Variants in PAMR1 observed in about 807,000 individuals in gnomAD.
PAMR1 encodes peptidase domain containing associated with muscle regeneration 1, also known as inactive serine protease PAMR1.
In PAMR1, 88 loss-of-function variants were observed where a neutral mutation model predicts 81.8. The observed-to-expected ratio is 1.08, with a 90% CI of 0.91 to 1.28. The LOEUF is 1.28. Ranked by LOEUF, PAMR1 falls within the 50% of genes most tolerant of loss-of-function variation. The pLI is 0.00. For synonymous variants in PAMR1, 336 were observed against 345.3 expected, an observed-to-expected ratio of 0.97 and a Z score of 0.30; for missense variants, 935 against 919.7, an observed-to-expected ratio of 1.02 and a Z score of -0.21.
intron 1 of PAMR1, among the ~76,000 whole-genome samples, chr11:35,523,711 C>T (rs1033999234): frequency 1.3e-5 from 2 of 152,238 alleles, no homozygotes; most frequent in African/African-American, 4.8e-5. Flanking sequence ...GAAATATTTT[C>T]CTTCTCCACG....
chr11:35,436,400 T>C (rs1442670577), intron 8 of PAMR1, among the ~76,000 whole-genome samples: 4 of 152,122 alleles, frequency 2.6e-5, no homozygotes, highest in African/African-American at 9.7e-5. Flanking sequence ...TTCTTGTGCC[T>C]CAGCCTCCTG....
chr11:35,473,385 A>C (rs1384529669), intron 4 of PAMR1, among the ~76,000 whole-genome samples: 1 of 152,122 alleles, frequency 6.6e-6, no homozygotes, highest in Non-Finnish European at 1.5e-5. Flanking sequence ...ATTTTGGAGA[A>C]GCTCCTCAGA....
At chr11:35,442,661 G>C (rs1382316701) in intron 6 of PAMR1, among the ~76,000 whole-genome samples, 4 of 151,550 alleles carry the variant, frequency 2.6e-5, no homozygotes, top group Non-Finnish European at 5.9e-5. Flanking sequence ...ACCCAGGCTG[G>C]AGTACAGTGG....
At chr11:35,473,990 T>G (rs1850237180) in intron 4 of PAMR1, among the ~76,000 whole-genome samples, 1 of 152,230 alleles carries the variant, frequency 6.6e-6, no homozygotes, top group African/African-American at 2.4e-5. Flanking sequence ...GCAACTATAG[T>G]GTGCCATGAA....
intron 4 of PAMR1, among the ~76,000 whole-genome samples, chr11:35,472,407 G>T (rs138897113): frequency 4.6e-5 from 7 of 152,200 alleles, no homozygotes; most frequent in African/African-American, 1.4e-4. Flanking sequence ...ACTGTACTAG[G>T]TGCTGTCAGC....
chr11:35,506,500 T>TTC (rs1441397969), intron 1 of PAMR1, among the ~76,000 whole-genome samples: 4 of 151,970 alleles, frequency 2.6e-5, no homozygotes, highest in African/African-American at 9.7e-5. Flanking sequence ...GTGGTGGTAA[T>TTC]TCTCTCAGCT....
In PAMR1 at chr11:35,494,136, C is replaced by A; in HGVS notation, c.210G>T (p.Arg70Ser). 2 of 1,614,178 alleles carry A rather than the reference C, an allele frequency of 1.2e-6. No homozygotes were observed. The highest frequency in any genetic ancestry group is 2.2e-5 in the South Asian group (2 of 91,064). Residue 70 changes from arginine to serine, a missense_variant, in exon 2 of 11, where the codon AGG (arginine) becomes AGT (serine). Physicochemically the swap from Arg to Ser is moderately radical, Grantham distance 110. Transcript: ENST00000619888. Reference protein sequence around the residue: ...EVVGYTIPCCRNEENECDSCL... With the variant: ...EVVGYTIPCCSNEENECDSCL... Reference sequence around the variant, plus strand: ...AGGAGTCACACTCATTCTCCTCATTCCTGCAGCAAGGGATGGTATAACCCA... The same window carrying A: ...AGGAGTCACACTCATTCTCCTCATTACTGCAGCAAGGGATGGTATAACCCA...
rs185734070 is a variant in PAMR1, at chr11:35,471,348, G to A, written c.495-530C>T. Among the ~76,000 whole-genome samples the A allele has an allele frequency of 1.1e-3, 172 of 152,244 alleles. 1 individual carries two copies. The highest frequency in any genetic ancestry group is 9.7e-3 in the Admixed American group (148 of 15,302). The stretch of plus-strand genomic sequence containing the variant: ...GAAGGCAGAGAGGAACACCTGCCTC[G>A]TTCCACAGTTTTCACAGTGTCCAGC... On this transcript the variant is annotated intron_variant, in intron 4 of 10. Transcript: ENST00000619888.
chr11:35,524,408 G>A (rs1007692622), intron 1 of PAMR1, among the ~76,000 whole-genome samples: 1 of 152,154 alleles, frequency 6.6e-6, no homozygotes. Context: ...ATGAAGGGAT[G>A]TGCCTATGGC....
intron 5 of PAMR1, 85 bp downstream of exon 5, chr11:35,470,516 G>A: frequency 2.0e-6 from 2 of 1,025,038 alleles, no homozygotes; most frequent in South Asian, 1.4e-5. Context: ...TAATAAGGAT[G>A]AGAGGAAGAA....
chr11:35,529,511 A>C (rs1383046613), upstream of PAMR1, among the ~76,000 whole-genome samples: 1 of 152,232 alleles, frequency 6.6e-6, no homozygotes, highest in African/African-American at 2.4e-5. Context: ...TGTTGAATGC[A>C]GATGGACCAC....
intron 9 of PAMR1, among the ~76,000 whole-genome samples, chr11:35,435,045 C>T (rs1856006358): frequency 6.6e-6 from 1 of 152,188 alleles, no homozygotes; most frequent in South Asian, 2.1e-4. Context: ...CAGGCACTTA[C>T]TATCAATAGA....
chr11:35,493,423 C>A (rs1292062225), intron 2 of PAMR1, among the ~76,000 whole-genome samples: 1 of 151,978 alleles, frequency 6.6e-6, no homozygotes, highest in Non-Finnish European at 1.5e-5. Context: ...TTCCCTCTCA[C>A]TCTCCCTCTC....
rs556477868 is a variant in PAMR1, at chr11:35,502,583, C to T, written c.74-8311G>A. The stretch of plus-strand genomic sequence containing the variant: ...GCTTCATCCATGTCCCTGCAAAGGA[C>T]ATGATCTCGTTCCTTGTTATGGCTG... On this transcript the variant is annotated intron_variant, in intron 1 of 10. Coordinates refer to ENST00000619888, the MANE Select transcript of PAMR1 (RefSeq NM_001001991.3). 1.2e-4 allele frequency among the ~76,000 whole-genome samples: 18 copies of T among 152,302 alleles called. No individual in the cohort carries two copies. In the South Asian group the frequency reaches 3.7e-3, roughly 32 times the overall value.
intron 5 of PAMR1, among the ~76,000 whole-genome samples, chr11:35,470,089 T>C (rs985838940): frequency 3.9e-5 from 6 of 152,210 alleles, no homozygotes; most frequent in African/African-American, 1.2e-4. Context: ...TCTTACTATG[T>C]ACCAGACTAT....
chr11:35,444,294 T>C (rs773346810), intron 6 of PAMR1, among the ~76,000 whole-genome samples: 6 of 152,214 alleles, frequency 3.9e-5, no homozygotes, highest in Non-Finnish European at 7.3e-5. Context: ...TTCTGTAGGT[T>C]GTATGTTCAC....
intron 6 of PAMR1, among the ~76,000 whole-genome samples, chr11:35,446,295 A>G (rs1856291334): frequency 6.6e-6 from 1 of 151,982 alleles, no homozygotes; most frequent in African/African-American, 2.4e-5. Flanking sequence ...CAGCTCCTGG[A>G]TTAGTTGATT....
intron 3 of PAMR1, among the ~76,000 whole-genome samples, chr11:35,481,208 T>G (rs554157000): frequency 6.6e-6 from 1 of 152,346 alleles, no homozygotes; most frequent in Admixed American, 6.5e-5. Flanking sequence ...CATATTCCTT[T>G]GGGTATACAC....
At chr11:35,480,072 G>A (rs566563896) in intron 3 of PAMR1, among the ~76,000 whole-genome samples, 5 of 152,250 alleles carry the variant, frequency 3.3e-5, no homozygotes, top group South Asian at 4.1e-4. Flanking sequence ...CCCCCATGAC[G>A]CAGTTCCACG....
Sources: allele counts gnomAD v4.1 joint callset (sites outside exome capture counted in the v4.1 genomes callset), GRCh38; gene constraint gnomAD v4.1.1; transcripts MANE v1.5; gene names NCBI Gene and HGNC (gene_info 2026-07-23, HGNC 2026-07-21).